The following MAGI1 variants were observed in gnomAD, a reference collection of about 807,000 sequenced individuals.
MAGI1 encodes the protein membrane associated guanylate kinase, WW and PDZ domain containing 1.
MAGI1 carries 58 observed loss-of-function variants against 139.9 expected under a neutral mutation model. The ratio of observed to expected loss-of-function variants is 0.41; its 90% CI spans 0.34 to 0.52. The LOEUF (loss-of-function observed/expected upper bound fraction) is 0.52, where lower values mean the gene tolerates loss of function less well. MAGI1 is among the 20% of genes least tolerant of loss of function. The pLI is 0.12. For missense variants in MAGI1, 1,874 were observed against 1,901.6 expected (o/e 0.99, Z 0.27); for synonymous variants, 812 against 737.9 (o/e 1.10, Z -1.63).
At chr3:65,363,775 T>A (rs1246361760) in intron 20 of MAGI1, among the ~76,000 whole-genome samples, 167 bp from the exon 21 acceptor site, 1 of 152,206 alleles carries the variant, frequency 6.6e-6, no homozygotes, top group Non-Finnish European at 1.5e-5. Flanking sequence ...AGATCCAGAA[T>A]TTGAAAACAG....
intron 1 of MAGI1, among the ~76,000 whole-genome samples, chr3:65,694,879 A>T (rs1364932695): frequency 6.6e-6 from 1 of 152,228 alleles, no homozygotes; most frequent in Non-Finnish European, 1.5e-5. Flanking sequence ...AGGCTGAGAT[A>T]ATTGGTTTTC....
At chr3:65,733,766 G>T (rs1298152755) in intron 1 of MAGI1, among the ~76,000 whole-genome samples, 1 of 152,162 alleles carries the variant, frequency 6.6e-6, no homozygotes, top group Admixed American at 6.5e-5. Context: ...CAACCATCTA[G>T]GATATTTCTT....
At chr3:65,821,592 T>C (rs886850623) in intron 1 of MAGI1, among the ~76,000 whole-genome samples, 15 of 152,222 alleles carry the variant, frequency 9.9e-5, no homozygotes, top group African/African-American at 3.6e-4. Flanking sequence ...AGGTCTAAGA[T>C]GTTACAAAAG....
In MAGI1 at chr3:65,517,134, G is replaced by T. The variant is rs374882156; in HGVS notation, c.431-23503C>A. Among the ~76,000 whole-genome samples the T allele has an allele frequency of 5.3e-5, 8 of 152,176 alleles. No homozygotes were observed. In the East Asian group the frequency reaches 1.6e-3, roughly 30 times the overall value. ...ACTACCTGGCTTCATATCTCATTCT[G>T]CATCAAGCATGTTGTCCTCTATTCT... On this transcript the variant is annotated intron_variant, in intron 2 of 22. Coordinates refer to ENST00000402939, the MANE Select transcript of MAGI1 (RefSeq NM_001033057.2).
At chr3:65,727,788 C>G (rs2033773333) in intron 1 of MAGI1, among the ~76,000 whole-genome samples, 1 of 152,118 alleles carries the variant, frequency 6.6e-6, no homozygotes, top group Non-Finnish European at 1.5e-5. Context: ...CAAGATGGAT[C>G]AACAAGGTAG....
At chr3:65,871,350 G>T (rs2059933187) in intron 1 of MAGI1, among the ~76,000 whole-genome samples, 1 of 152,200 alleles carries the variant, frequency 6.6e-6, no homozygotes, top group Admixed American at 6.5e-5. Flanking sequence ...TGGGAGAGAA[G>T]AATGCATGCA....
chr3:65,495,010 C>T (rs553191277), intron 2 of MAGI1, among the ~76,000 whole-genome samples: 1 of 152,326 alleles, frequency 6.6e-6, no homozygotes, highest in African/African-American at 2.4e-5. Context: ...TCTACTCTTA[C>T]ACTGTTTCCT....
chr3:65,710,216 G>C (rs1036579349), intron 1 of MAGI1, among the ~76,000 whole-genome samples: 1 of 150,614 alleles, frequency 6.6e-6, no homozygotes, highest in Non-Finnish European at 1.5e-5. Context: ...GCTTAAACTA[G>C]GTAAGTTTAG....
chr3:65,541,449 C>T (rs962895271), intron 2 of MAGI1, among the ~76,000 whole-genome samples: 4 of 152,116 alleles, frequency 2.6e-5, no homozygotes, highest in Admixed American at 2.6e-4. Flanking sequence ...GATACCAAAA[C>T]CTGGCAGAGA....
chr3:65,455,815 G>A (rs937804215), intron 5 of MAGI1, among the ~76,000 whole-genome samples: 5 of 152,102 alleles, frequency 3.3e-5, no homozygotes, highest in Admixed American at 1.3e-4. Flanking sequence ...TTTATGACTG[G>A]CTTTTCCCCT....
chr3:65,377,526 C>T (rs991154709), intron 17 of MAGI1, among the ~76,000 whole-genome samples: 4 of 152,184 alleles, frequency 2.6e-5, no homozygotes, highest in African/African-American at 9.7e-5. Context: ...GACATATTTG[C>T]TATTTCTTTC....
In MAGI1 at chr3:65,691,309, A is replaced by T. The variant is rs568537833; in HGVS notation, c.314-69221T>A. ...CAGAGCAAGACTCCGTCTCAAAAAA[A>T]AAAAAAGAAAAGAAAAAGAAAAAAG... On this transcript the variant is annotated intron_variant, in intron 1 of 22. Coordinates refer to ENST00000402939, the MANE Select transcript of MAGI1 (RefSeq NM_001033057.2). Among the ~76,000 whole-genome samples the T allele has an allele frequency of 8.1e-4, 122 of 151,382 alleles. 2 individuals are homozygous for T. Among genetic ancestry groups the T allele is most frequent in the African/African-American group, 2.8e-3 (118 of 41,420 alleles).
Position 65,438,825 on chromosome 3 carries a change from AT to A in MAGI1, c.1270+1053del, listed in dbSNP as rs573763304. Among the ~76,000 whole-genome samples the A allele has an allele frequency of 5.9e-5, 9 of 152,354 alleles. No individual in the cohort carries two copies. The South Asian group carries it at 1.9e-3, about 32-fold the overall frequency. On this transcript the variant is annotated intron_variant, in intron 9 of 22. Transcript: ENST00000402939. ...GTTTTATTTGAACACAGCTACACCT[AT>A]TCATTTACATAATGTCTACAGCTAT...
chr3:65,695,116 C>T (rs191116576), intron 1 of MAGI1, among the ~76,000 whole-genome samples: 12 of 152,274 alleles, frequency 7.9e-5, no homozygotes, highest in Admixed American at 4.6e-4. Flanking sequence ...CATGTGAAAT[C>T]CATTCTCTTC....
At chr3:65,668,425 C>T (rs1475360335) in intron 1 of MAGI1, among the ~76,000 whole-genome samples, 1 of 151,870 alleles carries the variant, frequency 6.6e-6, no homozygotes, top group Non-Finnish European at 1.5e-5. Context: ...ACATAAACAT[C>T]ATATTTTCAA....
intron 18 of MAGI1, among the ~76,000 whole-genome samples, chr3:65,366,600 T>C (rs528697771): frequency 6.6e-6 from 1 of 152,202 alleles, no homozygotes; most frequent in Non-Finnish European, 1.5e-5. Flanking sequence ...TATCTGACTT[T>C]GCATTCTATG....
chr3:65,966,045 G>A (rs2064723351), intron 1 of MAGI1, among the ~76,000 whole-genome samples: 1 of 152,188 alleles, frequency 6.6e-6, no homozygotes, highest in Non-Finnish European at 1.5e-5. Flanking sequence ...TGACCAACTG[G>A]AGTGTGGTTT....
intron 1 of MAGI1, among the ~76,000 whole-genome samples, chr3:65,673,806 A>G (rs769788255): frequency 1.3e-5 from 2 of 152,252 alleles, no homozygotes; most frequent in Non-Finnish European, 2.9e-5. Flanking sequence ...TAGTTCAATA[A>G]ATATTATAAA....
intron 2 of MAGI1, among the ~76,000 whole-genome samples, chr3:65,499,369 GC>G (rs1372205470): frequency 1.2e-4 from 18 of 152,198 alleles, no homozygotes; most frequent in African/African-American, 1.7e-4. Context: ...GGTTAAATTG[GC>G]CAGGTGCAGT....
Sources: gnomAD v4.1 joint callset for allele counts (sites outside exome capture counted in the v4.1 genomes callset) on GRCh38, gnomAD v4.1.1 for gene constraint, MANE v1.5 for transcripts, NCBI Gene and HGNC (gene_info 2026-07-23, HGNC 2026-07-21) for gene names.